The following POFUT1 variants were observed in gnomAD, a reference collection of about 807,000 sequenced individuals.
The protein encoded by POFUT1 is GDP-fucose protein O-fucosyltransferase 1.
POFUT1 carries 16 observed loss-of-function variants against 42.4 expected under a neutral mutation model. That is an observed-to-expected ratio of 0.38 (90% confidence interval 0.26 to 0.57). POFUT1 has a LOEUF of 0.57. POFUT1 is among the 20% of genes least tolerant of loss of function. The probability of loss-of-function intolerance (pLI) is 0.71; values close to 1 mark genes in which losing one functional copy is unlikely to be tolerated. For missense variants in POFUT1, 470 were observed against 504.6 expected, an observed-to-expected ratio of 0.93 and a Z score of 0.66; for synonymous variants, 206 against 205.4, an observed-to-expected ratio of 1.00 and a Z score of -0.03.
chr20:32,233,645 A>G (rs1225611340), intron 6 of POFUT1, among the ~76,000 whole-genome samples: 1 of 152,192 alleles, frequency 6.6e-6, no homozygotes, highest in Non-Finnish European at 1.5e-5. Context: ...GTTGCAGTCC[A>G]TCAGGCAAGA....
chr20:32,223,773 G>T, intron 4 of POFUT1: 3 of 843,582 alleles, frequency 3.6e-6, no homozygotes, highest in Non-Finnish European at 4.3e-6. Flanking sequence ...GCTGGGGCTG[G>T]GAATCAGAAG....
rs1187338332 is a variant in POFUT1 at position 32,217,893 on chromosome 20, A to G, written c.542+1172A>G. On this transcript the variant is annotated intron_variant, in intron 4 of 6. Transcript: ENST00000375749. ...GTGGACAGCTCAGGTCTGTTTGTAA[A>G]TCTTTAATAAATAACAACAGCTAAG... 2.0e-5 allele frequency: 4 copies of G among 204,492 alleles called. No individual in the cohort carries two copies. The East Asian group carries it at 7.3e-4, about 38-fold the overall frequency. 12.7% of individuals were successfully genotyped at this position (204,492 alleles called of 1,614,324 possible). A position where few individuals can be genotyped will look rare whatever the true frequency, so the allele number is the denominator to read the frequency against.
chr20:32,231,260 T>C, intron 6 of POFUT1, 199 bp downstream of exon 6: 1 of 592,756 alleles, frequency 1.7e-6, no homozygotes, highest in Non-Finnish European at 3.0e-6. Flanking sequence ...CATCCACTCC[T>C]GGAGCTCACG....
At chr20:32,234,433 T>C (rs1488337210) in intron 6 of POFUT1, 40 bp from the exon 7 acceptor site, 1 of 1,543,290 alleles carries the variant, frequency 6.5e-7, no homozygotes. Context: ...CCTTGGCCTG[T>C]AGCCACCCCA....
At chr20:32,223,703 C>G (rs1380043675) in intron 4 of POFUT1, 21 of 984,720 alleles carry the variant, frequency 2.1e-5, no homozygotes, top group Admixed American at 6.1e-5. Flanking sequence ...GGTGAGGTCC[C>G]CAAATCTTTC....
chr20:32,234,734 G>A lies in POFUT1; in HGVS notation c.*73G>A, dbSNP rs1235533995. ...GAGCTGGTCCTTCCAGCCAGGCCTG[G>A]CAGCCAGAGGTGCTCCGGGATTGCA... On this transcript the variant is annotated 3_prime_UTR_variant, in exon 7 of 7. Transcript: ENST00000375749. The A allele has an allele frequency of 2.2e-6, 3 of 1,348,286 alleles. No individual in the cohort carries two copies. The highest frequency in any genetic ancestry group is 4.7e-5 in the East Asian group (2 of 42,248). The allele number at this position is 1,348,286 out of a possible 1,614,324, so 83.5% of individuals were successfully genotyped here. A position where few individuals can be genotyped will look rare whatever the true frequency, so the allele number is the denominator to read the frequency against.
intron 4 of POFUT1, chr20:32,217,438 G>A: frequency 9.9e-7 from 1 of 1,008,278 alleles, no homozygotes. Flanking sequence ...AAAGCACTTG[G>A]CATTTAATAG....
In POFUT1 at chr20:32,212,053, A is replaced by T. The variant is rs114138695; in HGVS notation, c.246+1861A>T. Among the ~76,000 whole-genome samples, 852 of 152,308 alleles carry T rather than the reference A, an allele frequency of 5.6e-3. 10 individuals are homozygous for T. Among genetic ancestry groups the T allele is most frequent in the African/African-American group, 0.02 (823 of 41,578 alleles). The stretch of plus-strand genomic sequence containing the variant: ...CTTCATAAGTAACCTGGAGATGGTT[A>T]TATTCCTACCTCAGGATTAAATGTG... On this transcript the variant is annotated intron_variant, in intron 2 of 6. Coordinates refer to ENST00000375749, the MANE Select transcript of POFUT1 (RefSeq NM_015352.2).
At chr20:32,223,118 A>C (rs1375086642) in intron 4 of POFUT1, 1 of 985,280 alleles carries the variant, frequency 1.0e-6, no homozygotes, top group Non-Finnish European at 1.2e-6. Flanking sequence ...TTTGTTGGAG[A>C]ATCTCAGCAG....
Position 32,230,998 on chromosome 20 carries a change from G to C in POFUT1, c.915G>C (p.Ser305=), listed in dbSNP as rs200646120. The C allele has an allele frequency of 6.2e-7, 1 of 1,614,172 alleles. No homozygotes were observed. Among genetic ancestry groups the C allele is most frequent in the Admixed American group, 1.7e-5 (1 of 60,018 alleles). Residue 305 remains serine (S), a synonymous_variant, in exon 6 of 7, where the codon TCG becomes TCC. Transcript: ENST00000375749. ...KLWVRSLDAQ[S]VYVATDSESY... Reference sequence around the variant, plus strand: ...GGGTGAGGTCGCTGGATGCCCAGTCGGTCTACGTTGCTACTGATTCCGAGA... The same window carrying C: ...GGGTGAGGTCGCTGGATGCCCAGTCCGTCTACGTTGCTACTGATTCCGAGA...
At chr20:32,219,973 C>A in intron 4 of POFUT1, among the ~76,000 whole-genome samples, 1 of 152,160 alleles carries the variant, frequency 6.6e-6, no homozygotes, top group Non-Finnish European at 1.5e-5. Flanking sequence ...AATGAATAGC[C>A]TCAGTAAATG....
intron 2 of POFUT1, among the ~76,000 whole-genome samples, chr20:32,214,001 T>C (rs910774640): frequency 6.6e-6 from 1 of 152,200 alleles, no homozygotes; most frequent in African/African-American, 2.4e-5. Flanking sequence ...TGTGACTCCT[T>C]TGATGTTCCT....
chr20:32,210,266 T>A, intron 2 of POFUT1, 74 bp downstream of exon 2: 3 of 1,519,964 alleles, frequency 2.0e-6, no homozygotes, highest in Non-Finnish European at 2.7e-6. Context: ...AACCCTCAAG[T>A]CCTCTGGGCT....
rs560287807 is a variant in POFUT1 at position 32,223,002 on chromosome 20, G to T, written c.543-5261G>T. On this transcript the variant is annotated intron_variant, in intron 4 of 6. Coordinates refer to ENST00000375749, the MANE Select transcript of POFUT1 (RefSeq NM_015352.2). ...GACATCCAGAACAAAGCCCTGCCTT[G>T]TTCATGTCCCTGGGTCTTCTGCACT... 8 of 985,442 alleles carry T rather than the reference G, an allele frequency of 8.1e-6. No individual in the cohort carries two copies. In the South Asian group the frequency reaches 2.8e-4, roughly 35 times the overall value. The allele number at this position is 985,442 out of a possible 1,614,324, so 61.0% of individuals were successfully genotyped here.
chr20:32,217,401 AG>A, intron 4 of POFUT1: 1 of 1,062,524 alleles, frequency 9.4e-7, no homozygotes, highest in Non-Finnish European at 1.1e-6. Context: ...TAGGAGGTGC[AG>A]GGAACATACT....
intron 6 of POFUT1, among the ~76,000 whole-genome samples, chr20:32,234,062 T>C (rs1290405356): frequency 1.3e-5 from 2 of 152,164 alleles, no homozygotes; most frequent in Non-Finnish European, 1.5e-5. Context: ...TGCACACTTG[T>C]AGTCCCAGCT....
In POFUT1 at chr20:32,210,088, G is replaced by A; in HGVS notation, c.142G>A (p.Ala48Thr). Residue 48 changes from alanine (A) to threonine (T), a missense_variant, in exon 2 of 7, where the codon GCC becomes ACC. Ala to Thr is a moderately conservative substitution (Grantham distance 58). Transcript: ENST00000375749. Reference protein sequence around the residue: ...CPCMGRFGNQADHFLGSLAFA... With the variant: ...CPCMGRFGNQTDHFLGSLAFA... Reference sequence around the variant, plus strand: ...ATTTCCAGGGCGCTTTGGGAACCAGGCCGATCACTTCTTGGGCTCTCTGGC... The same window carrying A: ...ATTTCCAGGGCGCTTTGGGAACCAGACCGATCACTTCTTGGGCTCTCTGGC... 6.2e-7 allele frequency: 1 copy of A among 1,614,158 alleles called. No individual in the cohort carries two copies. Among genetic ancestry groups the A allele is most frequent in the Non-Finnish European group, 8.5e-7 (1 of 1,180,022 alleles).
chr20:32,210,221 T>C, intron 2 of POFUT1, 29 bp downstream of exon 2: 1 of 1,613,526 alleles, frequency 6.2e-7, no homozygotes, highest in Non-Finnish European at 8.5e-7. Flanking sequence ...CCTTGGCCTT[T>C]CTCCGCCCTT....
At chr20:32,222,883 G>A in intron 4 of POFUT1, 1 of 985,454 alleles carries the variant, frequency 1.0e-6, no homozygotes, top group Non-Finnish European at 1.2e-6. Context: ...CTCCCAGGCT[G>A]CCACCTCCCT....
Sources: gnomAD v4.1 joint callset for allele counts (sites outside exome capture counted in the v4.1 genomes callset) on GRCh38, gnomAD v4.1.1 for gene constraint, MANE v1.5 for transcripts, NCBI Gene and HGNC (gene_info 2026-07-23, HGNC 2026-07-21) for gene names.